Variants in PKD1L3 observed in about 807,000 individuals in gnomAD.
The protein encoded by PKD1L3 is polycystin-1-like protein 3.
In PKD1L3, 239 loss-of-function variants were observed where a neutral mutation model predicts 184.1. The observed-to-expected ratio is 1.30, with a 90% CI of 1.17 to 1.45. The LOEUF (loss-of-function observed/expected upper bound fraction) is 1.45. Ranked by LOEUF, PKD1L3 falls within the 40% of genes most tolerant of loss-of-function variation. PKD1L3 has a pLI of 0.00. For missense variants in PKD1L3, 2,660 were observed against 2,067.2 expected (o/e 1.29, Z -5.56); for synonymous variants, 996 against 778.8 (o/e 1.28, Z -4.64).
intron 28 of PKD1L3, among the ~76,000 whole-genome samples, chr16:71,931,508 C>G (rs993233366): frequency 6.7e-6 from 1 of 148,308 alleles, no homozygotes; most frequent in Admixed American, 6.7e-5. Context: ...GCTCTCACCC[C>G]GGCTGGAGTG....
intron 21 of PKD1L3, 124 bp downstream of exon 21, chr16:71,949,659 G>T: frequency 1.1e-6 from 1 of 894,614 alleles, no homozygotes; most frequent in Non-Finnish European, 1.7e-6. Context: ...AGCCTGGTTT[G>T]CCTATTTGTT....
At chr16:71,978,491 GTGTGTATATATATATATATA>G (rs2040016236) in intron 9 of PKD1L3, 108 bp from the exon 10 acceptor site, 1 of 123,612 alleles carries the variant, frequency 8.1e-6, no homozygotes, top group African/African-American at 1.3e-4. Context: ...GTGTGTGTGT[GTGTGTATATATATATATATA>G]TATATATATA....
chr16:71,949,705 G>T (rs1490483906), intron 21 of PKD1L3, 78 bp downstream of exon 21: 1 of 1,285,522 alleles, frequency 7.8e-7, no homozygotes, highest in Admixed American at 2.2e-5. Flanking sequence ...AAACCACTAG[G>T]CACCTTGGAT....
rs1480535908 is a variant in PKD1L3 at position 71,930,141 on chromosome 16, T to G, written c.4969A>C (p.Thr1657Pro). 1.3e-6 allele frequency: 2 copies of G among 1,551,610 alleles called. No individual in the cohort carries two copies. The change falls in exon 29 of 30, where the codon ACC becomes CCC. Residue 1657 changes from threonine (T) to proline (P), a missense_variant. By Grantham distance (38) the Thr-to-Pro change is conservative. Coordinates refer to ENST00000620267, the MANE Select transcript of PKD1L3 (RefSeq NM_181536.2). ...DPVLGTFLIL[T>P]SVILMVLVVI... ...ACAAGTACCATCAAGATGACACTGG[T>G]GAGGATCAGAAAGGTGCCCAGGACT...
chr16:71,984,762 G>C (rs932688313), intron 5 of PKD1L3, among the ~76,000 whole-genome samples: 1 of 152,212 alleles, frequency 6.6e-6, no homozygotes, highest in Admixed American at 6.5e-5. Flanking sequence ...GGGAGGCTGA[G>C]GCAGGAGAAT....
chr16:71,987,202 C>T (rs961677140), intron 4 of PKD1L3, among the ~76,000 whole-genome samples: 2 of 151,212 alleles, frequency 1.3e-5, no homozygotes, highest in African/African-American at 2.4e-5. Flanking sequence ...GGATTACAGG[C>T]GTGAGCCACT....
rs1382554716 is a variant in PKD1L3, at chr16:71,945,295, T to C, written c.3719-1125A>G. 7.3e-5 allele frequency among the ~76,000 whole-genome samples: 5 copies of C among 68,344 alleles called. 2 individuals carry two copies. Among genetic ancestry groups the C allele is most frequent in the African/African-American group, 3.4e-4 (5 of 14,916 alleles). The allele number at this position is 68,344 out of a possible 152,430, so 44.8% of individuals were successfully genotyped here. A position where few individuals can be genotyped will look rare whatever the true frequency, so the allele number is the denominator to read the frequency against. ...ATATATATATATATATATATATATA[T>C]ATATATATATACACACACACACACA... On this transcript the variant is annotated intron_variant, in intron 22 of 29. Transcript: ENST00000620267.
At chr16:71,966,448 G>A (rs955441841) in intron 15 of PKD1L3, among the ~76,000 whole-genome samples, 4 of 143,454 alleles carry the variant, frequency 2.8e-5, no homozygotes, top group African/African-American at 5.2e-5. Context: ...CCTTCCCTCC[G>A]AGACAGGGTC....
In PKD1L3 at chr16:71,962,065, C is replaced by T. The variant is rs117235321; in HGVS notation, c.2612+1140G>A. The stretch of plus-strand genomic sequence containing the variant: ...TCAGCCTTCCAAGTAGCTGGGACTA[C>T]AGTCTCATGCTACCAAGTCTGGCTA... On this transcript the variant is annotated intron_variant, in intron 16 of 29. Coordinates refer to ENST00000620267, the MANE Select transcript of PKD1L3 (RefSeq NM_181536.2). Among the ~76,000 whole-genome samples the T allele has an allele frequency of 2.2e-4, 34 of 152,030 alleles. No individual in the cohort carries two copies. In the East Asian group the frequency reaches 6.0e-3, roughly 27 times the overall value.
Position 71,970,060 on chromosome 16 carries a change from G to A in PKD1L3, c.1999C>T (p.His667Tyr), listed in dbSNP as rs1271863530. 1 of 1,551,558 alleles carries A rather than the reference G, an allele frequency of 6.4e-7. No homozygotes were observed. The highest frequency in any genetic ancestry group is 8.7e-7 in the Non-Finnish European group (1 of 1,147,002). ...AAGTCGCTGGCAAAGAAGGTCAGGT[G>A]GTTACAGAGACACTGTGTCCTCAGA... ...TILRTQCLCNHLTFFASDFFV... is the reference protein window; with the variant it reads ...TILRTQCLCNYLTFFASDFFV... The change falls in exon 13 of 30, where the codon CAC (histidine) becomes TAC (tyrosine). Residue 667 changes from histidine (H) to tyrosine (Y), a missense_variant. His to Tyr is a moderately conservative substitution (Grantham distance 83, BLOSUM62 2). Transcript: ENST00000620267.
At position 71,967,399 on chromosome 16, in the gene PKD1L3, T is replaced by C. The variant is rs988184740; in HGVS notation, c.2287-84A>G. 7 of 1,295,942 alleles carry C rather than the reference T, an allele frequency of 5.4e-6. No homozygotes were observed. The African/African-American group carries it at 6.0e-5, about 11-fold the overall frequency. 80.3% of individuals were successfully genotyped at this position (1,295,942 alleles called of 1,614,324 possible). On this transcript the variant is annotated intron_variant, in intron 14 of 29. Coordinates refer to ENST00000620267, the MANE Select transcript of PKD1L3 (RefSeq NM_181536.2). ...ATCCCTAAGGAGAAAGACGAAGACA[T>C]AGAAAACTATTTAGATCAAGTCTTT...
intron 21 of PKD1L3, among the ~76,000 whole-genome samples, chr16:71,948,522 C>G (rs983518686): frequency 5.9e-5 from 9 of 152,106 alleles, no homozygotes; most frequent in Admixed American, 5.2e-4. Context: ...CGCCCAGCCA[C>G]TATGGATTTT....
chr16:71,945,764 A>G (rs1238040943), intron 22 of PKD1L3, among the ~76,000 whole-genome samples: 2 of 152,118 alleles, frequency 1.3e-5, no homozygotes, highest in Non-Finnish European at 2.9e-5. Context: ...GGATCAGTGA[A>G]GAGTGAGCAA....
intron 6 of PKD1L3, among the ~76,000 whole-genome samples, chr16:71,983,659 C>CTCT (rs2040244134): frequency 1.1e-5 from 1 of 92,396 alleles, no homozygotes; most frequent in Non-Finnish European, 2.1e-5. Context: ...TCCAGATTCT[C>CTCT]TTTCTTTTTT....
chr16:71,994,940 A>ATC (rs2040731034), intron 2 of PKD1L3, among the ~76,000 whole-genome samples: 1 of 152,146 alleles, frequency 6.6e-6, no homozygotes, highest in African/African-American at 2.4e-5. Flanking sequence ...GTGAGCCAAG[A>ATC]TCACGCCATT....
intron 22 of PKD1L3, among the ~76,000 whole-genome samples, chr16:71,945,072 A>G (rs553842644): frequency 3.0e-4 from 20 of 67,360 alleles, no homozygotes; most frequent in African/African-American, 6.8e-4. Flanking sequence ...AATCTGCCAA[A>G]TTGTTAAAGT....
At chr16:71,963,096 A>T in intron 16 of PKD1L3, 109 bp downstream of exon 16, 1 of 1,214,200 alleles carries the variant, frequency 8.2e-7, no homozygotes, top group Non-Finnish European at 1.1e-6. Flanking sequence ...TATGTTTGAA[A>T]TAATACATTA....
intron 14 of PKD1L3, 114 bp from the exon 15 acceptor site, chr16:71,967,429 T>C (rs1045359557): frequency 1.0e-5 from 11 of 1,049,236 alleles, no homozygotes; most frequent in South Asian, 1.0e-4. Context: ...GTCTTTCGGA[T>C]CTTAGACAAG....
chr16:71,976,101 C>T (rs952168197), intron 11 of PKD1L3, among the ~76,000 whole-genome samples: 1 of 151,786 alleles, frequency 6.6e-6, no homozygotes, highest in African/African-American at 2.4e-5. Flanking sequence ...GTGTGCACCA[C>T]CATGACCAGC....
Sources: allele counts gnomAD v4.1 joint callset (sites outside exome capture counted in the v4.1 genomes callset), GRCh38; gene constraint gnomAD v4.1.1; transcripts MANE v1.5; gene names NCBI Gene and HGNC (gene_info 2026-07-23, HGNC 2026-07-21).